SACS: variants seen among roughly 807,000 people sequenced by gnomAD.
SACS encodes sacsin molecular chaperone.
SACS carries 197 observed loss-of-function variants against 348.0 expected under a neutral mutation model. The ratio of observed to expected loss-of-function variants is 0.57; its 90% confidence interval spans 0.50 to 0.64. The LOEUF is 0.64. Ranked by LOEUF, SACS falls within the 30% of genes least tolerant of loss-of-function variation. SACS has a pLI of 0.00. For synonymous variants in SACS, 1,985 were observed against 1,910.6 expected (o/e 1.04, Z -1.02); for missense variants, 4,999 against 5,360.8 (o/e 0.93, Z 2.11).
chr13:23,360,317 AC>A (rs1283421398), intron 6 of SACS, among the ~76,000 whole-genome samples: 1 of 151,826 alleles, frequency 6.6e-6, no homozygotes, highest in Non-Finnish European at 1.5e-5. Context: ...TTCCTACCCA[AC>A]AGCTAACTTA....
At chr13:23,372,374 C>T (rs1156565160) in intron 3 of SACS, among the ~76,000 whole-genome samples, 1 of 152,132 alleles carries the variant, frequency 6.6e-6, no homozygotes, top group Non-Finnish European at 1.5e-5. Flanking sequence ...CACATTTTAC[C>T]AAAACACAGA....
chr13:23,339,565 T>C lies in SACS; in HGVS notation c.4311A>G (p.Pro1437=). 3.1e-6 allele frequency: 5 copies of C among 1,612,998 alleles called. No individual in the cohort carries two copies. In the South Asian group the frequency reaches 5.5e-5, roughly 18 times the overall value. The change falls in exon 10 of 10, where the codon CCA becomes CCG. Residue 1437 remains proline (P), a synonymous_variant. Transcript: ENST00000382292. ...GATTTATCAGTCTTGTACTAAGGCA[T>C]GGAACTTTTAGCCATTCTGCAGTTT... is the stretch of plus-strand genomic sequence containing the variant. ...PMKTAEWLKV[P]CLSTRLINPE...
intron 6 of SACS, among the ~76,000 whole-genome samples, chr13:23,362,131 T>C (rs1372383555): frequency 6.6e-6 from 1 of 152,230 alleles, no homozygotes; most frequent in Non-Finnish European, 1.5e-5. Context: ...GTTTTATGAC[T>C]GAAATAGCTC....
At chr13:23,429,565 G>A (rs961990020) in intron 1 of SACS, among the ~76,000 whole-genome samples, 6 of 151,594 alleles carry the variant, frequency 4.0e-5, no homozygotes, top group South Asian at 2.1e-4. Flanking sequence ...GGGTTTCACC[G>A]TGTTAGCCAG....
At chr13:23,347,887 A>C (rs1055221083) in intron 9 of SACS, among the ~76,000 whole-genome samples, 2 of 152,194 alleles carry the variant, frequency 1.3e-5, no homozygotes, top group South Asian at 4.1e-4. Flanking sequence ...AAAATAGCAA[A>C]TATCAATAGA....
rs1883389257 is a variant in SACS, at chr13:23,330,398, C to T, written c.13478G>A (p.Arg4493Lys). 1 of 1,614,176 alleles carries T rather than the reference C, an allele frequency of 6.2e-7. No homozygotes were observed. Among genetic ancestry groups the T allele is most frequent in the Non-Finnish European group, 8.5e-7 (1 of 1,180,020 alleles). Residue 4493 changes from arginine to lysine, a missense_variant, in exon 10 of 10, where the codon AGG becomes AAG. By Grantham distance (26) the Arg-to-Lys change is conservative. This residue lies in a region of SACS where 254 missense variants were observed against 275.1 expected (regional missense o/e 0.92). Transcript: ENST00000382292. ...TTTTACATCTTTATCAGACTTTCCC[C>T]TCACAGCATAGTCAGCTGCAATCAA... ...LALIAADYAV[R>K]GKSDKDVKPT...
At chr13:23,384,773 T>C (rs982445707) in intron 2 of SACS, among the ~76,000 whole-genome samples, 1 of 152,176 alleles carries the variant, frequency 6.6e-6, no homozygotes, top group Non-Finnish European at 1.5e-5. Flanking sequence ...TTTTCATTTT[T>C]TGGGCCAAAA....
chr13:23,375,086 G>GAGCCC (rs1871658046), intron 3 of SACS, 33 bp downstream of exon 3: 4 of 1,459,450 alleles, frequency 2.7e-6, no homozygotes, highest in Non-Finnish European at 3.6e-6. Context: ...CCGCGTGGCG[G>GAGCCC]AGCCCAGCCC....
At position 23,335,475 on chromosome 13, in the gene SACS, G is replaced by C; in HGVS notation, c.8401C>G (p.Gln2801Glu). The C allele has an allele frequency of 1.9e-6, 3 of 1,613,666 alleles. No individual in the cohort carries two copies. Among genetic ancestry groups the C allele is most frequent in the Non-Finnish European group, 2.5e-6 (3 of 1,179,858 alleles). The change falls in exon 10 of 10, where the codon CAA (glutamine) becomes GAA (glutamate). Residue 2801 changes from glutamine (Q) to glutamate (E), a missense_variant. Coordinates refer to ENST00000382292, the MANE Select transcript of SACS (RefSeq NM_014363.6). The surrounding 1 kb of genome is among the most constrained non-coding windows in gnomAD (Gnocchi z 4.7). ...TCAGTATCCATAGTATAGGTTATTT[G>C]TTGAACTGGTATGTCTTTGAGCTGC... ...KRQLKDIPVQ[Q>E]ITYTMDTEDS...
intron 5 of SACS, among the ~76,000 whole-genome samples, chr13:23,367,048 T>C (rs976563620): frequency 1.2e-4 from 19 of 152,190 alleles, no homozygotes; most frequent in African/African-American, 4.6e-4. Flanking sequence ...CCATAGACCT[T>C]TCTCATTTCT....
At chr13:23,361,151 C>G (rs539761053) in intron 6 of SACS, among the ~76,000 whole-genome samples, 1 of 152,302 alleles carries the variant, frequency 6.6e-6, no homozygotes, top group South Asian at 2.1e-4. Context: ...AGGAGTGCAA[C>G]TGTCCCGGGG....
chr13:23,330,144 T>C lies in SACS; in HGVS notation c.13732A>G (p.Lys4578Glu). 2 of 1,613,744 alleles carry C rather than the reference T, an allele frequency of 1.2e-6. No individual in the cohort carries two copies. Among genetic ancestry groups the C allele is most frequent in the Non-Finnish European group, 8.5e-7 (1 of 1,179,708 alleles). The part of the protein sequence containing the change: ...IIKLENFMQQ[K>E]V ...TTTTTCGTTAAATATCTTCACACTTTTTGTTGCATAAAATTTTCAAGTTTT... is the reference window on the plus strand; with the variant it reads ...TTTTTCGTTAAATATCTTCACACTTCTTGTTGCATAAAATTTTCAAGTTTT... The change falls in exon 10 of 10, where the codon AAA (lysine) becomes GAA (glutamate). Residue 4578 changes from lysine (K) to glutamate (E), a missense_variant. Transcript: ENST00000382292.
chr13:23,390,125 AGCTTCTGTAG>A (rs1872473125), intron 2 of SACS, among the ~76,000 whole-genome samples: 1 of 152,124 alleles, frequency 6.6e-6, no homozygotes, highest in Non-Finnish European at 1.5e-5. Context: ...TTGGTCTAGG[AGCTTCTGTAG>A]GCTTCAAACT....
At chr13:23,373,233 T>C (rs1336734216) in intron 3 of SACS, among the ~76,000 whole-genome samples, 2 of 152,148 alleles carry the variant, frequency 1.3e-5, no homozygotes, top group Admixed American at 1.3e-4. Flanking sequence ...AATGACAAAC[T>C]GCTCCTTCAC....
At chr13:23,419,739 T>A (rs1451539987) in intron 1 of SACS, among the ~76,000 whole-genome samples, 1 of 152,190 alleles carries the variant, frequency 6.6e-6, no homozygotes, top group East Asian at 1.9e-4. Flanking sequence ...CGTTTCTGTG[T>A]GTGTTCAGCA....
chr13:23,360,704 G>A (rs1170587671), intron 6 of SACS, among the ~76,000 whole-genome samples: 1 of 150,482 alleles, frequency 6.6e-6, no homozygotes, highest in Non-Finnish European at 1.5e-5. Flanking sequence ...AAATAAGTAA[G>A]TGTTTTGCAT....
intron 7 of SACS, among the ~76,000 whole-genome samples, chr13:23,357,105 C>T (rs1870441130): frequency 6.6e-6 from 1 of 152,194 alleles, no homozygotes; most frequent in African/African-American, 2.4e-5. Context: ...TAATGTTCCA[C>T]ACAAATGTGC....
chr13:23,420,706 G>C (rs1385532176), intron 1 of SACS, among the ~76,000 whole-genome samples: 1 of 152,050 alleles, frequency 6.6e-6, no homozygotes, highest in Non-Finnish European at 1.5e-5. Flanking sequence ...GTGTTTCCCG[G>C]TGCCTGAGGA....
At chr13:23,376,043 G>T (rs1248939946) in intron 2 of SACS, among the ~76,000 whole-genome samples, 3 of 152,066 alleles carry the variant, frequency 2.0e-5, no homozygotes, top group Non-Finnish European at 4.4e-5. Flanking sequence ...GTTTCGTTCT[G>T]TGCTCGGTTT....
Sources: gnomAD v4.1 joint callset for allele counts (sites outside exome capture counted in the v4.1 genomes callset) on GRCh38, gnomAD v4.1.1 for gene constraint, gnomAD v4.1.1 regional missense constraint, Gnocchi (gnomAD v3.1) non-coding constraint, MANE v1.5 for transcripts, NCBI Gene and HGNC (gene_info 2026-07-23, HGNC 2026-07-21) for gene names.